Variants in KLC1 observed in about 807,000 individuals in gnomAD.
The protein encoded by KLC1 is kinesin 2 60/70kDa.
Under a neutral mutation model 84.2 loss-of-function variants are expected in KLC1, and 30 were observed. The observed-to-expected ratio is 0.36, with a 90% confidence interval of 0.27 to 0.48. The LOEUF (loss-of-function observed/expected upper bound fraction) is 0.48, where lower values mean the gene tolerates loss of function less well. Ranked by LOEUF, KLC1 falls within the 20% of genes least tolerant of loss-of-function variation. KLC1 has a pLI of 0.99. For synonymous variants in KLC1, 289 were observed against 293.3 expected (o/e 0.99, Z 0.15); for missense variants, 499 against 805.4 (o/e 0.62, Z 4.60).
Position 103,699,260 on chromosome 14 carries a change from C to G in KLC1, c.1849-1395C>G, listed in dbSNP as rs376047069. The G allele has an allele frequency of 9.7e-6, 15 of 1,539,658 alleles. No homozygotes were observed. The Admixed American group carries it at 2.9e-4, about 30-fold the overall frequency. On this transcript the variant is annotated intron_variant, in intron 15 of 16. Coordinates refer to ENST00000334553, the MANE Select transcript of KLC1 (RefSeq NM_001394837.1). ...GGCACAGGCTGCTACCCGCAGGAGC[C>G]GGAGGCCACCTCACTGCCACCCGCC...
At chr14:103,692,546 C>T (rs1183868905) in intron 15 of KLC1, 121 bp downstream of exon 15, 4 of 702,024 alleles carry the variant, frequency 5.7e-6, no homozygotes, top group Middle Eastern at 2.9e-4. Flanking sequence ...GACGCCGCCA[C>T]GTTTGTTCCT....
rs1218555421 is a variant in KLC1 at position 103,694,014 on chromosome 14, T to A, written c.1848+1589T>A. The A allele has an allele frequency of 1.2e-5, 12 of 1,026,228 alleles. No individual in the cohort carries two copies. The highest frequency in any genetic ancestry group is 1.4e-5 in the Non-Finnish European group (12 of 856,142). The allele number at this position is 1,026,228 out of a possible 1,614,324, so 63.6% of individuals were successfully genotyped here. A position where few individuals can be genotyped will look rare whatever the true frequency, so the allele number is the denominator to read the frequency against. On this transcript the variant is annotated intron_variant, in intron 15 of 16. Transcript: ENST00000334553. The surrounding 1 kb of genome is among the most constrained non-coding windows in gnomAD (Gnocchi z 4.5). ...TTGTAATAAGGCTGTAAATTAAGAA[T>A]CTGGAAACATAAAGTACCCCTTTCA...
chr14:103,662,747 G>T lies in KLC1; in HGVS notation c.617G>T (p.Gly206Val). 1.2e-6 allele frequency: 2 copies of T among 1,609,422 alleles called. No homozygotes were observed. The highest frequency in any genetic ancestry group is 1.7e-6 in the Non-Finnish European group (2 of 1,178,098). The change falls in exon 5 of 17, where the codon GGC becomes GTC. Residue 206 changes from glycine to valine, a missense_variant. Physicochemically the swap from Gly to Val is moderately radical, Grantham distance 109. Transcript: ENST00000334553. ...SSAAAAAQQG[G>V]YEIPARLRTL... ...GCAGCCGCGGCTGCCCAGCAGGGCGGCTACGAGATCCCCGCGCGGCTGCGG... is the reference window on the plus strand; with the variant it reads ...GCAGCCGCGGCTGCCCAGCAGGGCGTCTACGAGATCCCCGCGCGGCTGCGG...
At chr14:103,674,011 C>G (rs1237127791) in intron 9 of KLC1, among the ~76,000 whole-genome samples, 1 of 152,066 alleles carries the variant, frequency 6.6e-6, no homozygotes, top group Non-Finnish European at 1.5e-5. Flanking sequence ...GTGCCCAGAG[C>G]CCATAACATG....
intron 7 of KLC1, among the ~76,000 whole-genome samples, chr14:103,672,682 C>T (rs2080509171): frequency 6.6e-6 from 1 of 152,144 alleles, no homozygotes; most frequent in South Asian, 2.1e-4. Context: ...CTTTACAAAG[C>T]CCATTTCCTT....
At chr14:103,690,338 T>C (rs941176714) in intron 14 of KLC1, among the ~76,000 whole-genome samples, 1 of 152,272 alleles carries the variant, frequency 6.6e-6, no homozygotes, top group African/African-American at 2.4e-5. Flanking sequence ...TGTTGTGGGC[T>C]TCATTGGGAT....
At chr14:103,695,285 TC>T in intron 15 of KLC1, 2 of 659,692 alleles carry the variant, frequency 3.0e-6, no homozygotes. Context: ...ACACAGCGAG[TC>T]CCTGTGTCTA....
At chr14:103,667,627 CA>C (rs2079982540) in intron 5 of KLC1, among the ~76,000 whole-genome samples, 1 of 152,198 alleles carries the variant, frequency 6.6e-6, no homozygotes, top group South Asian at 2.1e-4. Context: ...TGAGCCACCG[CA>C]CCTGGCCACT....
At chr14:103,655,901 T>C (rs1268432270) in intron 2 of KLC1, among the ~76,000 whole-genome samples, 1 of 152,244 alleles carries the variant, frequency 6.6e-6, no homozygotes, top group Non-Finnish European at 1.5e-5. Flanking sequence ...TCATTTAGGA[T>C]TTGATTTGGC....
chr14:103,697,372 C>T (rs1441258064), intron 15 of KLC1, among the ~76,000 whole-genome samples: 2 of 151,870 alleles, frequency 1.3e-5, no homozygotes, highest in Non-Finnish European at 2.9e-5. Context: ...AGTGCCAGCC[C>T]CCCTTCCTCC....
intron 13 of KLC1, chr14:103,684,917 A>C: frequency 1.4e-6 from 1 of 735,866 alleles, no homozygotes; most frequent in Non-Finnish European, 2.5e-6. Context: ...AGCAGCAAAA[A>C]CTTATGTTTT....
chr14:103,639,559 T>C (rs1247587174), intron 1 of KLC1, among the ~76,000 whole-genome samples: 1 of 151,428 alleles, frequency 6.6e-6, no homozygotes, highest in Admixed American at 6.6e-5. Context: ...CCTCCCACCT[T>C]AGCCTCCTGA....
chr14:103,685,986 CGGT>C, intron 13 of KLC1: 1 of 1,105,324 alleles, frequency 9.0e-7, no homozygotes, highest in Non-Finnish European at 1.1e-6. Context: ...AATGGCATGA[CGGT>C]GACCTGTTGA....
At chr14:103,680,853 G>A (rs2081290388) in intron 13 of KLC1, among the ~76,000 whole-genome samples, 1 of 152,206 alleles carries the variant, frequency 6.6e-6, no homozygotes, top group African/African-American at 2.4e-5. Flanking sequence ...ATGAAGTTCT[G>A]GAGGAAGTTT....
intron 1 of KLC1, among the ~76,000 whole-genome samples, chr14:103,652,128 T>TACACCCTG (rs2078499130): frequency 6.6e-6 from 1 of 152,252 alleles, no homozygotes; most frequent in African/African-American, 2.4e-5. Flanking sequence ...AATACATAAA[T>TACACCCTG]ACTTTGCTGT....
intron 1 of KLC1, among the ~76,000 whole-genome samples, chr14:103,641,492 C>T (rs577857720): frequency 2.0e-5 from 3 of 152,162 alleles, no homozygotes; most frequent in Non-Finnish European, 4.4e-5. Flanking sequence ...CCAGCATGGT[C>T]AGATTCTGGT....
At position 103,701,273 on chromosome 14, in the gene KLC1, C is replaced by CT. The variant is rs2083178468; in HGVS notation, c.*74_*75insT. ...CGGAGCTGGCCCGGGACAGCCAGGGCGGCAGGGAGGGCCCCTGGCCGGGAG... is the reference window on the plus strand; with the variant it reads ...CGGAGCTGGCCCGGGACAGCCAGGGCTGGCAGGGAGGGCCCCTGGCCGGGAG... On this transcript the variant is annotated 3_prime_UTR_variant, in exon 17 of 17. Coordinates refer to ENST00000334553, the MANE Select transcript of KLC1 (RefSeq NM_001394837.1). 6.6e-7 allele frequency: 1 copy of CT among 1,507,514 alleles called. No individual in the cohort carries two copies. Among genetic ancestry groups the CT allele is most frequent in the Non-Finnish European group, 9.0e-7 (1 of 1,113,418 alleles). 93.4% of individuals were successfully genotyped at this position (1,507,514 alleles called of 1,614,324 possible).
intron 1 of KLC1, among the ~76,000 whole-genome samples, chr14:103,647,363 A>G (rs2151420025): frequency 6.6e-6 from 1 of 151,882 alleles, no homozygotes; most frequent in South Asian, 2.1e-4. Flanking sequence ...AGCTGAGACT[A>G]CAGGTGTGTG....
rs546128245 is a variant in KLC1, at chr14:103,652,394, C to A, written c.-1-2170C>A. On this transcript the variant is annotated intron_variant, in intron 1 of 16. Transcript: ENST00000334553. Reference sequence around the variant, plus strand: ...AGCAGTATCACTCAGCAATATATTCCCAGCCTGGCACACCATGGATTTGCT... The same window carrying A: ...AGCAGTATCACTCAGCAATATATTCACAGCCTGGCACACCATGGATTTGCT... Among the ~76,000 whole-genome samples, 14 of 152,272 alleles carry A rather than the reference C, an allele frequency of 9.2e-5. No individual in the cohort carries two copies. The East Asian group carries it at 2.7e-3, about 29-fold the overall frequency.
Sources: gnomAD v4.1 joint callset for allele counts (sites outside exome capture counted in the v4.1 genomes callset) on GRCh38, gnomAD v4.1.1 for gene constraint, Gnocchi (gnomAD v3.1) non-coding constraint, MANE v1.5 for transcripts, NCBI Gene and HGNC (gene_info 2026-07-23, HGNC 2026-07-21) for gene names.